OTX1: variants seen among roughly 807,000 people sequenced by gnomAD.
OTX1 encodes homeobox protein OTX1.
Under a neutral mutation model 26.7 loss-of-function variants are expected in OTX1, and 7 were observed. The ratio of observed to expected loss-of-function variants is 0.26; its 90% CI spans 0.15 to 0.49. The LOEUF is 0.49. Among genes scored for constraint, OTX1 ranks in the 20% least tolerant of loss-of-function variants. The pLI is 0.98. For missense variants in OTX1, 414 were observed against 483.8 expected, an observed-to-expected ratio of 0.86 and a Z score of 1.35; for synonymous variants, 216 against 212.8, an observed-to-expected ratio of 1.01 and a Z score of -0.13.
Position 63,056,447 on chromosome 2 carries a change from G to A in OTX1, c.*131G>A. 4.8e-6 allele frequency: 4 copies of A among 831,916 alleles called. No individual in the cohort carries two copies. The highest frequency in any genetic ancestry group is 7.4e-6 in the Non-Finnish European group (4 of 542,382). The allele number at this position is 831,916 out of a possible 1,614,324, so 51.5% of individuals were successfully genotyped here. A position where few individuals can be genotyped will look rare whatever the true frequency, so the allele number is the denominator to read the frequency against. On this transcript the variant is annotated 3_prime_UTR_variant, in exon 5 of 5. Coordinates refer to ENST00000282549, the MANE Select transcript of OTX1 (RefSeq NM_014562.4). ...CTGAATTTTCACCCCCCAAAAAGATGTCCATTGCCTGCACTGCCGCCCCCA... is the reference window on the plus strand; with the variant it reads ...CTGAATTTTCACCCCCCAAAAAGATATCCATTGCCTGCACTGCCGCCCCCA...
chr2:63,053,081 T>C lies in OTX1; in HGVS notation c.91T>C (p.Tyr31His). Residue 31 changes from tyrosine (Y) to histidine (H), a missense_variant, in exon 3 of 5, where the codon TAT becomes CAT. Transcript: ENST00000282549. Reference protein sequence around the residue: ...AMDLLHPSVGYPATPRKQRRE... With the variant: ...AMDLLHPSVGHPATPRKQRRE... ...GGACCTCCTGCACCCATCCGTGGGC[T>C]ATCCGGGTGAGCACCAGCCCTCCCG... is the stretch of plus-strand genomic sequence containing the variant. 1 of 1,577,482 alleles carries C rather than the reference T, an allele frequency of 6.3e-7. No individual in the cohort carries two copies. The highest frequency in any genetic ancestry group is 8.6e-7 in the Non-Finnish European group (1 of 1,165,564).
rs1003857327 is a variant in OTX1, at chr2:63,054,117, C to T, written c.168C>T (p.Leu56=). 2 of 1,612,526 alleles carry T rather than the reference C, an allele frequency of 1.2e-6. No individual in the cohort carries two copies. ...TRSQLDVLEA[L]FAKTRYPDIF... ...CACAGCTGGACGTGCTCGAGGCGCT[C>T]TTCGCCAAGACTCGCTACCCTGACA... Residue 56 remains leucine (L), a synonymous_variant, in exon 4 of 5, where the codon CTC becomes CTT. Transcript: ENST00000282549.
upstream of OTX1, chr2:63,050,661 CG>C (rs1438019998): frequency 5.2e-5 from 2 of 38,214 alleles, no homozygotes; most frequent in Admixed American, 4.3e-4. Flanking sequence ...GCGGGGAGGG[CG>C]GGGTGTGGGG....
At chr2:63,051,705 G>C (rs2062028359) in intron 2 of OTX1, 2 of 152,592 alleles carry the variant, frequency 1.3e-5, no homozygotes, top group South Asian at 4.1e-4. Context: ...ACGGGGGCGG[G>C]AACGGGGCTG....
In OTX1 at chr2:63,057,127, C is replaced by T. The variant is rs1220716936; in HGVS notation, c.*811C>T. 2.0e-5 allele frequency: 3 copies of T among 151,350 alleles called. No homozygotes were observed. The allele number at this position is 151,350 out of a possible 1,614,324, so 9.4% of individuals were successfully genotyped here. Reference sequence around the variant, plus strand: ...AGGAAACAGAACTTTAAGATATATACAGCACATATATATATATATACATAT... The same window carrying T: ...AGGAAACAGAACTTTAAGATATATATAGCACATATATATATATATACATAT... On this transcript the variant is annotated 3_prime_UTR_variant, in exon 5 of 5. Transcript: ENST00000282549.
At position 63,057,799 on chromosome 2, in the gene OTX1, A is replaced by G. The variant is rs1574631277; in HGVS notation, c.*1483A>G. 1.3e-5 allele frequency: 2 copies of G among 151,804 alleles called. No individual in the cohort carries two copies. Among genetic ancestry groups the G allele is most frequent in the South Asian group, 4.2e-4 (2 of 4,808 alleles). 9.4% of individuals were successfully genotyped at this position (151,804 alleles called of 1,614,324 possible). Reference sequence around the variant, plus strand: ...AGTCCCCCTCCTCCTCTTTATCTACATTACTTCCCGAAAATAAATGCAAAT... The same window carrying G: ...AGTCCCCCTCCTCCTCTTTATCTACGTTACTTCCCGAAAATAAATGCAAAT... On this transcript the variant is annotated 3_prime_UTR_variant, in exon 5 of 5. Transcript: ENST00000282549.
chr2:63,055,966 TC>T lies in OTX1; in HGVS notation c.717del (p.Ser240LeufsTer13). 6.2e-7 allele frequency: 1 copy of T among 1,613,558 alleles called. No individual in the cohort carries two copies. Among genetic ancestry groups the T allele is most frequent in the Non-Finnish European group, 8.5e-7 (1 of 1,180,024 alleles). ...GSYGQGYPTP[S>X]SSYFGGVDCS... Reference sequence around the variant, plus strand: ...CTACGGCCAAGGCTACCCTACGCCCTCCTCTTCCTACTTTGGCGGCGTGGAC... The same window carrying T: ...CTACGGCCAAGGCTACCCTACGCCCTCTCTTCCTACTTTGGCGGCGTGGAC... On this transcript the variant is annotated frameshift_variant, in exon 5 of 5. Coordinates refer to ENST00000282549, the MANE Select transcript of OTX1 (RefSeq NM_014562.4). LOFTEE classifies it high-confidence loss of function. This position sits in a 1 kb window ranked among gnomAD's most constrained non-coding sequence, Gnocchi z 5.2.
At chr2:63,052,605 T>C (rs2062033764) in intron 2 of OTX1, among the ~76,000 whole-genome samples, 1 of 152,230 alleles carries the variant, frequency 6.6e-6, no homozygotes, top group Admixed American at 6.5e-5. Flanking sequence ...ACTCCGCGGT[T>C]CTGGCTCTGA....
Position 63,057,779 on chromosome 2 carries a change from C to T in OTX1, c.*1463C>T, listed in dbSNP as rs922837866. The T allele has an allele frequency of 6.6e-6, 1 of 152,004 alleles. No homozygotes were observed. Among genetic ancestry groups the T allele is most frequent in the Non-Finnish European group, 1.5e-5 (1 of 68,038 alleles). 9.4% of individuals were successfully genotyped at this position (152,004 alleles called of 1,614,324 possible). ...TACTTGTTGAAATGTAAGGCAGTCC[C>T]CCTCCTCCTCTTTATCTACATTACT... On this transcript the variant is annotated 3_prime_UTR_variant, in exon 5 of 5. Coordinates refer to ENST00000282549, the MANE Select transcript of OTX1 (RefSeq NM_014562.4).
intron 2 of OTX1, 118 bp from the exon 3 acceptor site, chr2:63,052,755 CCTTGTGG>C: frequency 2.0e-6 from 1 of 509,562 alleles, no homozygotes; most frequent in Middle Eastern, 5.1e-4. Flanking sequence ...TGGGCTAAGG[CCTTGTGG>C]ATCCCAGTTG....
At chr2:63,050,357 C>A (rs902651881), upstream of OTX1, among the ~76,000 whole-genome samples, 4 of 152,152 alleles carry the variant, frequency 2.6e-5, no homozygotes, top group Non-Finnish European at 5.9e-5. Context: ...GGCCGAGGCC[C>A]GGGCTCCTCC....
rs1467650530 is a variant in OTX1, at chr2:63,056,234, C to T, written c.983C>T (p.Ser328Phe). The T allele has an allele frequency of 6.2e-7, 1 of 1,614,150 alleles. No homozygotes were observed. The highest frequency in any genetic ancestry group is 1.1e-5 in the South Asian group (1 of 91,082). Residue 328 changes from serine (S) to phenylalanine (F), a missense_variant, in exon 5 of 5, where the codon TCC becomes TTC. By Grantham distance (155) the Ser-to-Phe change is radical. Around this residue, in one of 3 missense-constraint regions of OTX1, gnomAD observed 320 missense variants for 347.9 expected, o/e 0.92. Transcript: ENST00000282549. ...AAGGAGCCTGGCGCCGCTGCTGCTT[C>T]CTCCGCCTGGAAACTCAACTTCAAC... ...DYKEPGAAAASSAWKLNFNSP... is the reference protein window; with the variant it reads ...DYKEPGAAAAFSAWKLNFNSP...
intron 3 of OTX1, 95 bp from the exon 4 acceptor site, chr2:63,053,952 G>A: frequency 7.1e-7 from 1 of 1,413,444 alleles, no homozygotes; most frequent in Non-Finnish European, 9.5e-7. Flanking sequence ...TTTTGCGAAG[G>A]CCGAGATCTG....
At chr2:63,052,009 C>A (rs1394251879) in intron 2 of OTX1, 1 of 152,474 alleles carries the variant, frequency 6.6e-6, no homozygotes, top group African/African-American at 2.4e-5. Context: ...TGGCAGCACG[C>A]GACTTGCTGC....
In OTX1 at chr2:63,055,774, T is replaced by G; in HGVS notation, c.523T>G (p.Ser175Ala). 1.2e-6 allele frequency: 2 copies of G among 1,612,456 alleles called. No individual in the cohort carries two copies. Among genetic ancestry groups the G allele is most frequent in the Non-Finnish European group, 1.7e-6 (2 of 1,179,670 alleles). ...ASSLSTPAAS[S>A]IWSPASISPG... The stretch of plus-strand genomic sequence containing the variant: ...GTCGCTGAGTACACCAGCTGCCTCA[T>G]CTATCTGGAGCCCGGCCTCCATCTC... The change falls in exon 5 of 5, where the codon TCT becomes GCT. Residue 175 changes from serine (S) to alanine (A), a missense_variant. Ser to Ala is a moderately conservative substitution (Grantham distance 99). Around this residue, in one of 3 missense-constraint regions of OTX1, gnomAD observed 320 missense variants for 347.9 expected, o/e 0.92. Coordinates refer to ENST00000282549, the MANE Select transcript of OTX1 (RefSeq NM_014562.4). This position sits in a 1 kb window ranked among gnomAD's most constrained non-coding sequence, Gnocchi z 5.2.
Position 63,055,766 on chromosome 2 carries a change from C to G in OTX1, c.515C>G (p.Ala172Gly). 6.2e-7 allele frequency: 1 copy of G among 1,612,564 alleles called. No individual in the cohort carries two copies. ...VAAASSLSTPAASSIWSPASI... is the reference protein window; with the variant it reads ...VAAASSLSTPGASSIWSPASI... Reference sequence around the variant, plus strand: ...GCCGCGTCGTCGCTGAGTACACCAGCTGCCTCATCTATCTGGAGCCCGGCC... The same window carrying G: ...GCCGCGTCGTCGCTGAGTACACCAGGTGCCTCATCTATCTGGAGCCCGGCC... The change falls in exon 5 of 5, where the codon GCT becomes GGT. Residue 172 changes from alanine (A) to glycine (G), a missense_variant. Physicochemically the swap from Ala to Gly is moderately conservative, Grantham distance 60. Coordinates refer to ENST00000282549, the MANE Select transcript of OTX1 (RefSeq NM_014562.4). The surrounding 1 kb of genome is among the most constrained non-coding windows in gnomAD (Gnocchi z 5.2).
chr2:63,056,661 G>A lies in OTX1; in HGVS notation c.*345G>A, dbSNP rs2062070306. On this transcript the variant is annotated 3_prime_UTR_variant, in exon 5 of 5. Coordinates refer to ENST00000282549, the MANE Select transcript of OTX1 (RefSeq NM_014562.4). ...CAGCTATTAAGCACTTGCAGCCTTC[G>A]GAGGCTCTGCGCTCTGATCCGCTGT... 2 of 323,500 alleles carry A rather than the reference G, an allele frequency of 6.2e-6. No individual in the cohort carries two copies. The highest frequency in any genetic ancestry group is 1.2e-5 in the Non-Finnish European group (2 of 173,240). The allele number at this position is 323,500 out of a possible 1,614,324, so 20.0% of individuals were successfully genotyped here. A position where few individuals can be genotyped will look rare whatever the true frequency, so the allele number is the denominator to read the frequency against.
At position 63,057,156 on chromosome 2, in the gene OTX1, T is replaced by G. The variant is rs564945580; in HGVS notation, c.*840T>G. 5.3e-5 allele frequency: 8 copies of G among 151,462 alleles called. No homozygotes were observed. Among genetic ancestry groups the G allele is most frequent in the African/African-American group, 1.9e-4 (8 of 41,358 alleles). The allele number at this position is 151,462 out of a possible 1,614,324, so 9.4% of individuals were successfully genotyped here. On this transcript the variant is annotated 3_prime_UTR_variant, in exon 5 of 5. Transcript: ENST00000282549. ...ACATATATATATATATACATATATA[T>G]ATACACATATATAAAAAACAAAAGC... is the stretch of plus-strand genomic sequence containing the variant.
Position 63,053,036 on chromosome 2 carries a change from G to T in OTX1, c.46G>T (p.Gly16Cys). 6.2e-7 allele frequency: 1 copy of T among 1,606,604 alleles called. No individual in the cohort carries two copies. Residue 16 changes from glycine (G) to cysteine (C), a missense_variant, in exon 3 of 5, where the codon GGC (glycine) becomes TGC (cysteine). By Grantham distance (159) the Gly-to-Cys change is radical. This residue lies in a region of OTX1 where 48 missense variants were observed against 41.6 expected (regional missense o/e 1.15). Transcript: ENST00000282549. ...ACCCCCATACGGCATGAACGGGCTG[G>T]GCCTGGCCGGGCCCGCCATGGACCT... ...KQPPYGMNGLGLAGPAMDLLH... is the reference protein window; with the variant it reads ...KQPPYGMNGLCLAGPAMDLLH...
Sources: gnomAD v4.1 joint callset for allele counts (sites outside exome capture counted in the v4.1 genomes callset) on GRCh38, gnomAD v4.1.1 for gene constraint, gnomAD v4.1.1 regional missense constraint, Gnocchi (gnomAD v3.1) non-coding constraint, MANE v1.5 for transcripts, NCBI Gene and HGNC (gene_info 2026-07-23, HGNC 2026-07-21) for gene names.